Variants in RABEPK observed in about 807,000 individuals in gnomAD.
RABEPK encodes the protein Rab9 effector protein with kelch motifs, also known as 40 kDa Rab9 effector protein.
RABEPK carries 27 observed loss-of-function variants against 34.1 expected under a neutral mutation model. That is an observed-to-expected ratio of 0.79 (90% CI 0.58 to 1.09). The LOEUF is 1.09. Ranked by LOEUF, RABEPK falls within the 50% of genes least tolerant of loss-of-function variation. The pLI, the probability that RABEPK is intolerant of heterozygous loss-of-function variation, is 0.00. For missense variants in RABEPK, 449 were observed against 462.6 expected (o/e 0.97, Z 0.27); for synonymous variants, 172 against 169.2 (o/e 1.02, Z -0.13).
At chr9:125,214,873 C>T (rs1021315206) in intron 4 of RABEPK, among the ~76,000 whole-genome samples, 6 of 150,642 alleles carry the variant, frequency 4.0e-5, no homozygotes, top group African/African-American at 1.5e-4. Flanking sequence ...TCACCACAAC[C>T]TCTGCCTCCC....
chr9:125,207,532 C>G (rs771358018), intron 2 of RABEPK, 32 bp from the exon 3 acceptor site: 20 of 1,603,134 alleles, frequency 1.2e-5, no homozygotes, highest in African/African-American at 2.7e-5. Flanking sequence ...ATTCTCTGCT[C>G]AGGCCTCCTG....
At chr9:125,205,704 G>C (rs1353681739) in intron 2 of RABEPK, among the ~76,000 whole-genome samples, 1 of 152,054 alleles carries the variant, frequency 6.6e-6, no homozygotes, top group Non-Finnish European at 1.5e-5. Context: ...TGCCCAGGAT[G>C]GTCTCAATCT....
chr9:125,220,948 C>T, intron 5 of RABEPK: 1 of 377,046 alleles, frequency 2.7e-6, no homozygotes, highest in Non-Finnish European at 4.7e-6. Context: ...AGGTGGACCG[C>T]TTAAGGTCAG....
chr9:125,209,454 A>G (rs1484915726), intron 3 of RABEPK, among the ~76,000 whole-genome samples: 2 of 151,298 alleles, frequency 1.3e-5, no homozygotes, highest in Admixed American at 1.3e-4. Context: ...GGTTCAAGCG[A>G]TTCTCCTGCC....
chr9:125,229,624 C>T (rs1832035182), intron 6 of RABEPK, among the ~76,000 whole-genome samples: 1 of 152,184 alleles, frequency 6.6e-6, no homozygotes, highest in African/African-American at 2.4e-5. Flanking sequence ...TCCAACAGTG[C>T]TCTCCTTTCA....
rs1321101503 is a variant in RABEPK at position 125,233,987 on chromosome 9, C to T, written c.*7C>T. The stretch of plus-strand genomic sequence containing the variant: ...TGTGACTGTAGTGGACTAATAAAAC[C>T]CACATTTTTATTACCTGTCAGTTAC... On this transcript the variant is annotated 3_prime_UTR_variant, in exon 8 of 8. Transcript: ENST00000373538. 1 of 1,579,000 alleles carries T rather than the reference C, an allele frequency of 6.3e-7. No homozygotes were observed. Among genetic ancestry groups the T allele is most frequent in the African/African-American group, 1.4e-5 (1 of 73,808 alleles).
At chr9:125,204,556 G>A (rs942501741) in intron 2 of RABEPK, among the ~76,000 whole-genome samples, 1 of 152,220 alleles carries the variant, frequency 6.6e-6, no homozygotes, top group African/African-American at 2.4e-5. Context: ...ACTCCAGCCT[G>A]GGCGCAACAG....
chr9:125,208,882 A>G (rs865951920), intron 3 of RABEPK, among the ~76,000 whole-genome samples: 2 of 151,742 alleles, frequency 1.3e-5, no homozygotes, highest in Non-Finnish European at 2.9e-5. Context: ...CACTACTACT[A>G]CTGTAGTCCA....
intron 4 of RABEPK, among the ~76,000 whole-genome samples, chr9:125,219,332 G>C (rs2131401512): frequency 6.7e-6 from 1 of 149,774 alleles, no homozygotes; most frequent in South Asian, 2.1e-4. Flanking sequence ...AAAGTGCTAG[G>C]GTTACAGGCC....
At chr9:125,228,340 T>A (rs1189976713) in intron 6 of RABEPK, among the ~76,000 whole-genome samples, 4 of 152,034 alleles carry the variant, frequency 2.6e-5, no homozygotes. Flanking sequence ...CTCAAGTGAT[T>A]TTTTAGTGTG....
At chr9:125,232,377 G>C (rs1014747858) in intron 6 of RABEPK, among the ~76,000 whole-genome samples, 1 of 152,112 alleles carries the variant, frequency 6.6e-6, no homozygotes, top group African/African-American at 2.4e-5. Context: ...CATCAGAATC[G>C]CCTGAGATTC....
intron 4 of RABEPK, among the ~76,000 whole-genome samples, chr9:125,214,008 G>T (rs1371138027): frequency 2.0e-5 from 3 of 150,670 alleles, no homozygotes; most frequent in Non-Finnish European, 4.4e-5. Context: ...TATAATCCCA[G>T]CTACTCAAGA....
intron 6 of RABEPK, among the ~76,000 whole-genome samples, chr9:125,231,526 C>A (rs577751191): frequency 2.0e-5 from 3 of 151,796 alleles, no homozygotes; most frequent in African/African-American, 7.2e-5. Context: ...GGCCAGGCAC[C>A]AGGCCATGGC....
intron 1 of RABEPK, 82 bp downstream of exon 1, chr9:125,200,988 C>G: frequency 2.6e-6 from 1 of 384,582 alleles, no homozygotes; most frequent in South Asian, 1.9e-5. Context: ...CATGCCAGGT[C>G]CATTGGTAGG....
intron 6 of RABEPK, among the ~76,000 whole-genome samples, chr9:125,231,542 C>T (rs1208198596): frequency 2.0e-5 from 3 of 152,052 alleles, no homozygotes; most frequent in Non-Finnish European, 4.4e-5. Flanking sequence ...ATGGCTCCCG[C>T]CTGTAATCCC....
intron 5 of RABEPK, among the ~76,000 whole-genome samples, chr9:125,224,110 G>T (rs931564102): frequency 6.6e-6 from 1 of 150,584 alleles, no homozygotes; most frequent in Non-Finnish European, 1.5e-5. Context: ...CAGGAGAATC[G>T]CTTCTCCTGG....
chr9:125,224,546 G>A (rs1483458038), intron 5 of RABEPK, among the ~76,000 whole-genome samples: 3 of 150,460 alleles, frequency 2.0e-5, no homozygotes, highest in Admixed American at 6.7e-5. Context: ...TCCACCTCCC[G>A]GGTTCAAGCA....
intron 6 of RABEPK, 92 bp from the exon 7 acceptor site, chr9:125,232,504 T>C (rs934905363): frequency 3.1e-5 from 43 of 1,375,928 alleles, no homozygotes; most frequent in Middle Eastern, 4.6e-4. Flanking sequence ...TGAATGACTT[T>C]CAGTGATTGG....
At chr9:125,213,175 C>G (rs138856591) in intron 3 of RABEPK, among the ~76,000 whole-genome samples, 195 bp from the exon 4 acceptor site, 1 of 152,144 alleles carries the variant, frequency 6.6e-6, no homozygotes, top group Non-Finnish European at 1.5e-5. Flanking sequence ...TTCCATAGAA[C>G]GGGGTCTATG....
Sources: allele counts gnomAD v4.1 joint callset (sites outside exome capture counted in the v4.1 genomes callset), GRCh38; gene constraint gnomAD v4.1.1; transcripts MANE v1.5; gene names NCBI Gene and HGNC (gene_info 2026-07-23, HGNC 2026-07-21).